Variants in ADGRA3 observed in about 807,000 individuals in gnomAD.
ADGRA3 encodes G-protein coupled receptor 125.
ADGRA3 carries 56 observed loss-of-function variants against 119.8 expected under a neutral mutation model. The observed-to-expected ratio is 0.47, with a 90% CI of 0.38 to 0.58. The LOEUF (loss-of-function observed/expected upper bound fraction) is 0.58, where lower values mean the gene tolerates loss of function less well. Among genes scored for constraint, ADGRA3 ranks in the 20% least tolerant of loss-of-function variants. The pLI, the probability that ADGRA3 is intolerant of heterozygous loss-of-function variation, is 0.00. For synonymous variants in ADGRA3, 607 were observed against 623.8 expected (o/e 0.97, Z 0.40); for missense variants, 1,516 against 1,649.0 (o/e 0.92, Z 1.40).
At chr4:22,391,400 A>T (rs1195515310) in intron 17 of ADGRA3, among the ~76,000 whole-genome samples, 1 of 152,120 alleles carries the variant, frequency 6.6e-6, no homozygotes, top group Non-Finnish European at 1.5e-5. Flanking sequence ...GCTAGCTAGA[A>T]TAGACAACTT....
intron 1 of ADGRA3, among the ~76,000 whole-genome samples, chr4:22,485,396 G>C (rs979806870): frequency 1.3e-5 from 2 of 151,972 alleles, no homozygotes; most frequent in African/African-American, 4.8e-5. Flanking sequence ...CACTTAACTT[G>C]TAAGAACTCC....
At chr4:22,468,768 C>CAA (rs534557483) in intron 2 of ADGRA3, among the ~76,000 whole-genome samples, 2 of 104,350 alleles carry the variant, frequency 1.9e-5, no homozygotes, top group Non-Finnish European at 2.0e-5. Context: ...GACTCTGTCT[C>CAA]AAAAAAAAAA....
intron 1 of ADGRA3, among the ~76,000 whole-genome samples, chr4:22,498,100 G>A (rs1202829784): frequency 1.3e-5 from 2 of 151,576 alleles, no homozygotes; most frequent in Non-Finnish European, 2.9e-5. Context: ...AATTAGCCGG[G>A]CGTGCTGGCA....
intron 1 of ADGRA3, among the ~76,000 whole-genome samples, chr4:22,512,390 C>T (rs1267099026): frequency 6.6e-6 from 1 of 152,078 alleles, no homozygotes; most frequent in Non-Finnish European, 1.5e-5. Context: ...CTGTAATTTC[C>T]TGGAGAAGAA....
At chr4:22,395,682 C>T (rs143881903) in intron 16 of ADGRA3, among the ~76,000 whole-genome samples, 2 of 152,258 alleles carry the variant, frequency 1.3e-5, no homozygotes, top group Middle Eastern at 3.4e-3. Flanking sequence ...GAGAGGCACT[C>T]GGAATCAAAC....
chr4:22,463,536 AC>A (rs776436435), intron 2 of ADGRA3, among the ~76,000 whole-genome samples: 28 of 152,076 alleles, frequency 1.8e-4, no homozygotes, highest in Non-Finnish European at 4.0e-4. Flanking sequence ...TCCCTTCTCT[AC>A]CTATGCTCCA....
intron 12 of ADGRA3, among the ~76,000 whole-genome samples, chr4:22,419,828 T>C (rs1715579051): frequency 6.6e-6 from 1 of 152,172 alleles, no homozygotes; most frequent in Admixed American, 6.5e-5. Context: ...CAAAGGAGTG[T>C]GGCACAGTGC....
At chr4:22,478,880 T>C (rs9790453) in intron 1 of ADGRA3, among the ~76,000 whole-genome samples, 95,017 of 152,034 alleles carry the variant, frequency 0.62, 30,625 homozygotes, top group Non-Finnish European at 0.7. Context: ...AAAGAGCAAA[T>C]AGGAAATTTG....
At chr4:22,428,782 G>A (rs866975081) in intron 10 of ADGRA3, among the ~76,000 whole-genome samples, 31 of 152,162 alleles carry the variant, frequency 2.0e-4, no homozygotes, top group African/African-American at 5.8e-4. Context: ...CTGGCTTTAC[G>A]TGCCACAGGA....
chr4:22,404,466 C>T (rs1274911675), intron 14 of ADGRA3, among the ~76,000 whole-genome samples: 3 of 152,142 alleles, frequency 2.0e-5, no homozygotes, highest in African/African-American at 7.2e-5. Context: ...AAGTGGGAAG[C>T]AGAGATGAGA....
chr4:22,494,702 A>T (rs545270968), intron 1 of ADGRA3, among the ~76,000 whole-genome samples: 1 of 152,118 alleles, frequency 6.6e-6, no homozygotes. Context: ...TAGAACACTA[A>T]AGTTATACAG....
chr4:22,417,763 G>A (rs1715487691), intron 12 of ADGRA3, among the ~76,000 whole-genome samples: 1 of 152,036 alleles, frequency 6.6e-6, no homozygotes, highest in East Asian at 1.9e-4. Context: ...AAGAAGAGAA[G>A]GAAGAATCCA....
chr4:22,486,986 A>G (rs1718451782), intron 1 of ADGRA3, among the ~76,000 whole-genome samples: 1 of 152,152 alleles, frequency 6.6e-6, no homozygotes, highest in Non-Finnish European at 1.5e-5. Flanking sequence ...CTAGAGAATG[A>G]TAAAGCTGAT....
In ADGRA3 at chr4:22,444,983, C is replaced by G. The variant is rs1469010165; in HGVS notation, c.696G>C (p.Leu232=). 1 of 1,613,048 alleles carries G rather than the reference C, an allele frequency of 6.2e-7. No homozygotes were observed. Among genetic ancestry groups the G allele is most frequent in the Non-Finnish European group, 8.5e-7 (1 of 1,179,866 alleles). ...AQPVTGVKQE[L]LTCDPPLELP... is the part of the protein sequence containing the mutation. ...GGATTTCTCCCTTACCGCATGTCAA[C>G]AGCTCCTGCTTCACGCCTGTGACTG... Residue 232 remains leucine (L), a synonymous_variant, in exon 6 of 19, where the codon CTG becomes CTC. Coordinates refer to ENST00000334304, the MANE Select transcript of ADGRA3 (RefSeq NM_145290.4).
chr4:22,444,252 A>T (rs1240110906), intron 6 of ADGRA3, among the ~76,000 whole-genome samples: 1 of 152,188 alleles, frequency 6.6e-6, no homozygotes, highest in Non-Finnish European at 1.5e-5. Flanking sequence ...CTAAGAATTA[A>T]CTATAAGATA....
Position 22,392,623 on chromosome 4 carries a change from A to G in ADGRA3, c.2549T>C (p.Ile850Thr), listed in dbSNP as rs1396674772. ...VLWVGVTARN[I>T]YKQVTKKAKR... ...AGCTTTTTTAGTGACTTGTTTGTAG[A>G]TATTTCGAGCTGTCACTCCTACCCA... The change falls in exon 17 of 19, where the codon ATC (isoleucine) becomes ACC (threonine). Residue 850 changes from isoleucine (I) to threonine (T), a missense_variant. This residue lies in a region of ADGRA3 where 1,088 missense variants were observed against 1,107.1 expected (regional missense o/e 0.98). Coordinates refer to ENST00000334304, the MANE Select transcript of ADGRA3 (RefSeq NM_145290.4). 2 of 1,613,936 alleles carry G rather than the reference A, an allele frequency of 1.2e-6. No individual in the cohort carries two copies. Among genetic ancestry groups the G allele is most frequent in the South Asian group, 1.1e-5 (1 of 91,074 alleles).
chr4:22,500,026 T>C (rs1718996034), intron 1 of ADGRA3, among the ~76,000 whole-genome samples: 1 of 152,188 alleles, frequency 6.6e-6, no homozygotes, highest in Admixed American at 6.5e-5. Flanking sequence ...CAAAGAGCAT[T>C]TCCTATGAGC....
At chr4:22,496,032 T>C (rs2109158471) in intron 1 of ADGRA3, among the ~76,000 whole-genome samples, 1 of 152,304 alleles carries the variant, frequency 6.6e-6, no homozygotes, top group African/African-American at 2.4e-5. Context: ...TTAAACATCA[T>C]TTTTTTAAAA....
At position 22,388,737 on chromosome 4, in the gene ADGRA3, C is replaced by T; in HGVS notation, c.2934G>A (p.Leu978=). Residue 978 remains leucine (L), a synonymous_variant, in exon 19 of 19, where the codon TTG becomes TTA. Transcript: ENST00000334304. ...CCAAGGCTGATGTAGAAATCAGAGACAAAGACATTGAATCCTGATGATTTA... is the reference window on the plus strand; with the variant it reads ...CCAAGGCTGATGTAGAAATCAGAGATAAAGACATTGAATCCTGATGATTTA... The part of the protein sequence containing the change: ...GEINHQDSMS[L]SLISTSALEN... 1.2e-6 allele frequency: 2 copies of T among 1,614,070 alleles called. No individual in the cohort carries two copies. The highest frequency in any genetic ancestry group is 1.7e-6 in the Non-Finnish European group (2 of 1,179,978).
Sources: gnomAD v4.1 joint callset for allele counts (sites outside exome capture counted in the v4.1 genomes callset) on GRCh38, gnomAD v4.1.1 for gene constraint, gnomAD v4.1.1 regional missense constraint, MANE v1.5 for transcripts, NCBI Gene and HGNC (gene_info 2026-07-23, HGNC 2026-07-21) for gene names.